OPALIN: variants seen among roughly 807,000 people sequenced by gnomAD.
The protein encoded by OPALIN is oligodendrocytic myelin paranodal and inner loop protein.
In OPALIN, 15 loss-of-function variants were observed where a neutral mutation model predicts 17.8. The ratio of observed to expected loss-of-function variants is 0.84; its 90% confidence interval spans 0.56 to 1.29. OPALIN has a LOEUF of 1.29. Among genes scored for constraint, OPALIN ranks in the 50% most tolerant of loss-of-function variants. OPALIN has a pLI of 0.00. For synonymous variants in OPALIN, 62 were observed against 63.8 expected (o/e 0.97, Z 0.14); for missense variants, 170 against 176.0 (o/e 0.97, Z 0.19).
chr10:96,346,183 C>G (rs578053221), intron 5 of OPALIN, 66 bp from the exon 6 acceptor site: 10 of 1,438,872 alleles, frequency 6.9e-6, no homozygotes, highest in Non-Finnish European at 9.7e-6. Flanking sequence ...GATGGACTAA[C>G]AGCAACCACA....
In OPALIN at chr10:96,346,082, C is replaced by G. The variant is rs183417445; in HGVS notation, c.285G>C (p.Thr95=). 1.2e-6 allele frequency: 2 copies of G among 1,614,072 alleles called. No individual in the cohort carries two copies. Among genetic ancestry groups the G allele is most frequent in the South Asian group, 1.1e-5 (1 of 91,066 alleles). The change falls in exon 6 of 6, where the codon ACG becomes ACC. Residue 95 remains threonine, a synonymous_variant. Coordinates refer to ENST00000371172, the MANE Select transcript of OPALIN (RefSeq NM_033207.5). ...ATATGTGGGCCTCTTGTGCTCCCAT[C>G]GTATTCTTCTCATGTGTGGGTGATC... ...PRRSPTHEKN[T]MGAQEAHIYV...
At chr10:96,350,380 T>A (rs1845530329) in intron 3 of OPALIN, among the ~76,000 whole-genome samples, 1 of 152,204 alleles carries the variant, frequency 6.6e-6, no homozygotes, top group African/African-American at 2.4e-5. Context: ...CACACCCAGC[T>A]AATTTTTGTA....
In OPALIN at chr10:96,351,401, G is replaced by A; in HGVS notation, c.49C>T (p.Pro17Ser). The change falls in exon 3 of 6, where the codon CCT (proline) becomes TCT (serine). Residue 17 changes from proline (P) to serine (S), a missense_variant. Physicochemically the swap from Pro to Ser is moderately conservative, Grantham distance 74 (BLOSUM62 -1). Transcript: ENST00000371172. ...FTLPANTTSS[P>S]VTGGKETDCG... is the part of the protein sequence containing the mutation. Reference sequence around the variant, plus strand: ...ACCGTTTCTTTCCCACCTGTGACAGGAGAGGACGTCTGTATGGAAAAAGAA... The same window carrying A: ...ACCGTTTCTTTCCCACCTGTGACAGAAGAGGACGTCTGTATGGAAAAAGAA... 4.5e-6 allele frequency: 7 copies of A among 1,545,592 alleles called. No homozygotes were observed. Among genetic ancestry groups the A allele is most frequent in the Non-Finnish European group, 6.1e-6 (7 of 1,140,556 alleles).
chr10:96,358,216 A>AAAAAAT, intron 1 of OPALIN, among the ~76,000 whole-genome samples: 1 of 147,032 alleles, frequency 6.8e-6, no homozygotes, highest in Non-Finnish European at 1.5e-5. Context: ...AAAAAAAAAA[A>AAAAAAT]TTCCACAAGA....
intron 4 of OPALIN, among the ~76,000 whole-genome samples, chr10:96,349,418 CAT>C (rs986679222): frequency 3.9e-5 from 6 of 152,342 alleles, no homozygotes; most frequent in African/African-American, 1.2e-4. Flanking sequence ...ACTGTACAGA[CAT>C]GTGTTTGCCA....
intron 1 of OPALIN, among the ~76,000 whole-genome samples, chr10:96,356,322 TAA>T (rs1845818282): frequency 6.6e-6 from 1 of 152,222 alleles, no homozygotes; most frequent in African/African-American, 2.4e-5. Flanking sequence ...ATGCATTCAT[TAA>T]GTTTTAAAAT....
At chr10:96,351,753 G>A (rs1040194675) in intron 2 of OPALIN, among the ~76,000 whole-genome samples, 1 of 152,124 alleles carries the variant, frequency 6.6e-6, no homozygotes, top group Non-Finnish European at 1.5e-5. Context: ...TTGCTAGAAG[G>A]GAAACACATA....
At chr10:96,357,427 C>T (rs926533175) in intron 1 of OPALIN, among the ~76,000 whole-genome samples, 2 of 152,110 alleles carry the variant, frequency 1.3e-5, no homozygotes, top group African/African-American at 2.4e-5. Flanking sequence ...GATGCAGTGC[C>T]CTTCAGAGAC....
In OPALIN at chr10:96,356,920, C is replaced by T. The variant is rs149058087; in HGVS notation, c.4-1630G>A. ...AGCTGTCACCAGAACCTGAGTGTCC[C>T]GGTGACAACCTCTTTCCACCACTCT... is the stretch of plus-strand genomic sequence containing the variant. On this transcript the variant is annotated intron_variant, in intron 1 of 5. Coordinates refer to ENST00000371172, the MANE Select transcript of OPALIN (RefSeq NM_033207.5). 3,493 of 985,368 alleles carry T rather than the reference C, an allele frequency of 3.5e-3. 15 individuals are homozygous for T. Among genetic ancestry groups the T allele is most frequent in the Middle Eastern group, 0.021 (40 of 1,914 alleles). 61.0% of individuals were successfully genotyped at this position (985,368 alleles called of 1,614,324 possible). A position where few individuals can be genotyped will look rare whatever the true frequency, so the allele number is the denominator to read the frequency against.
Position 96,348,331 on chromosome 10 carries a change from T to G in OPALIN, c.207A>C (p.Pro69=), listed in dbSNP as rs766535473. The G allele has an allele frequency of 1.3e-6, 2 of 1,545,064 alleles. No individual in the cohort carries two copies. The highest frequency in any genetic ancestry group is 8.9e-7 in the Non-Finnish European group (1 of 1,120,934). The part of the protein sequence containing the change: ...SIEAMEESDR[P]CEISEIDDNP... The stretch of plus-strand genomic sequence containing the variant: ...TGTCATCAATTTCTGAAATTTCACA[T>G]GGTCTGTCACTTTCCTAAATTGGAA... Residue 69 remains proline (P), a synonymous_variant, in exon 5 of 6, where the codon CCA becomes CCC. Transcript: ENST00000371172.
At chr10:96,354,757 A>T (rs1845734766) in intron 2 of OPALIN, among the ~76,000 whole-genome samples, 1 of 151,122 alleles carries the variant, frequency 6.6e-6, no homozygotes, top group Non-Finnish European at 1.5e-5. Context: ...TAATGGAAAT[A>T]AATTCTCTCA....
At position 96,348,331 on chromosome 10, in the gene OPALIN, T is replaced by C; in HGVS notation, c.207A>G (p.Pro69=). The part of the protein sequence containing the change: ...SIEAMEESDR[P]CEISEIDDNP... ...TGTCATCAATTTCTGAAATTTCACA[T>C]GGTCTGTCACTTTCCTAAATTGGAA... Residue 69 remains proline, a synonymous_variant, in exon 5 of 6, where the codon CCA becomes CCG. Coordinates refer to ENST00000371172, the MANE Select transcript of OPALIN (RefSeq NM_033207.5). The C allele has an allele frequency of 1.3e-6, 2 of 1,545,064 alleles. No homozygotes were observed. Among genetic ancestry groups the C allele is most frequent in the East Asian group, 2.3e-5 (1 of 44,354 alleles).
intron 2 of OPALIN, among the ~76,000 whole-genome samples, chr10:96,353,897 G>C (rs552045893): frequency 2.0e-5 from 3 of 152,298 alleles, no homozygotes; most frequent in East Asian, 3.9e-4. Flanking sequence ...CCCCACCAGA[G>C]GCTGGAGCAG....
chr10:96,345,655 C>T lies in OPALIN; in HGVS notation c.*286G>A. On this transcript the variant is annotated 3_prime_UTR_variant, in exon 6 of 6. Coordinates refer to ENST00000371172, the MANE Select transcript of OPALIN (RefSeq NM_033207.5). ...AGACACTCAGAAACCAAGCCCCTTT[C>T]CCAAAATGACAAAGAAAAGCAAATT... is the stretch of plus-strand genomic sequence containing the variant. 1 of 324,812 alleles carries T rather than the reference C, an allele frequency of 3.1e-6. No homozygotes were observed. The highest frequency in any genetic ancestry group is 5.6e-6 in the Non-Finnish European group (1 of 179,980). The allele number at this position is 324,812 out of a possible 1,614,324, so 20.1% of individuals were successfully genotyped here. A position where few individuals can be genotyped will look rare whatever the true frequency, so the allele number is the denominator to read the frequency against.
At chr10:96,355,412 C>T (rs1425856890) in intron 1 of OPALIN, 122 bp from the exon 2 acceptor site, 4 of 789,990 alleles carry the variant, frequency 5.1e-6, no homozygotes, top group Non-Finnish European at 6.3e-6. Flanking sequence ...ACTCAGCCAG[C>T]CCCCATCGTC....
intron 2 of OPALIN, among the ~76,000 whole-genome samples, chr10:96,352,954 C>T (rs978870931): frequency 2.0e-4 from 30 of 152,234 alleles, no homozygotes; most frequent in African/African-American, 7.2e-4. Flanking sequence ...TGCCATGGAG[C>T]ACTTAGGATG....
chr10:96,345,830 G>A lies in OPALIN; in HGVS notation c.*111C>T, dbSNP rs1331808033. 4 of 1,066,998 alleles carry A rather than the reference G, an allele frequency of 3.7e-6. No homozygotes were observed. The highest frequency in any genetic ancestry group is 3.2e-5 in the African/African-American group (2 of 63,258). The allele number at this position is 1,066,998 out of a possible 1,614,324, so 66.1% of individuals were successfully genotyped here. A position where few individuals can be genotyped will look rare whatever the true frequency, so the allele number is the denominator to read the frequency against. On this transcript the variant is annotated 3_prime_UTR_variant, in exon 6 of 6. Coordinates refer to ENST00000371172, the MANE Select transcript of OPALIN (RefSeq NM_033207.5). ...CCCAAAGTGTTCCAGAGCTGTAAAT[G>A]AAATTTGGATTGATTAAGAAGCAGC...
In OPALIN at chr10:96,351,359, A is replaced by G; in HGVS notation, c.72+19T>C. 7.0e-7 allele frequency: 1 copy of G among 1,434,502 alleles called. No individual in the cohort carries two copies. Among genetic ancestry groups the G allele is most frequent in the Middle Eastern group, 1.8e-4 (1 of 5,690 alleles). The allele number at this position is 1,434,502 out of a possible 1,614,324, so 88.9% of individuals were successfully genotyped here. A position where few individuals can be genotyped will look rare whatever the true frequency, so the allele number is the denominator to read the frequency against. ...CATTATTATTATCCCCATTTTATAA[A>G]TTTAAGTGATATAGTTACCGTTTCT... On this transcript the variant is annotated intron_variant, in intron 3 of 5. Transcript: ENST00000371172.
At chr10:96,351,505 T>G in intron 2 of OPALIN, 95 bp from the exon 3 acceptor site, 1 of 683,800 alleles carries the variant, frequency 1.5e-6, no homozygotes, top group South Asian at 2.7e-5. Context: ...CTATAAAGCC[T>G]AAAGTTTATC....
Sources: allele counts gnomAD v4.1 joint callset (sites outside exome capture counted in the v4.1 genomes callset), GRCh38; gene constraint gnomAD v4.1.1; transcripts MANE v1.5; gene names NCBI Gene and HGNC (gene_info 2026-07-23, HGNC 2026-07-21).